The following IBA57 variants were observed in gnomAD, a reference collection of about 807,000 sequenced individuals.
IBA57 encodes iron-sulfur cluster assembly factor IBA57, mitochondrial.
In IBA57, 20 loss-of-function variants were observed where a neutral mutation model predicts 20.4. The ratio of observed to expected loss-of-function variants is 0.98; its 90% confidence interval spans 0.69 to 1.42. The LOEUF (loss-of-function observed/expected upper bound fraction) is 1.42. Ranked by LOEUF, IBA57 falls within the 40% of genes most tolerant of loss-of-function variation. The pLI, the probability that IBA57 is intolerant of heterozygous loss-of-function variation, is 0.00. For missense variants in IBA57, 608 were observed against 499.3 expected (o/e 1.22, Z -2.07); for synonymous variants, 310 against 233.9 (o/e 1.33, Z -2.97).
In IBA57 at chr1:228,178,941, G is replaced by A. The variant is rs984812057; in HGVS notation, c.*3428G>A. ...TTTCCATGGGCTCCAAGCTGTAGGA[G>A]TGGTCCCTGGCTGCCAGAGTGCTCT... On this transcript the variant is annotated 3_prime_UTR_variant, in exon 3 of 3. Coordinates refer to ENST00000366711, the MANE Select transcript of IBA57 (RefSeq NM_001010867.4). 6.6e-6 allele frequency: 1 copy of A among 152,176 alleles called. No individual in the cohort carries two copies. The highest frequency in any genetic ancestry group is 2.4e-5 in the African/African-American group (1 of 41,428). 9.4% of individuals were successfully genotyped at this position (152,176 alleles called of 1,614,324 possible). A position where few individuals can be genotyped will look rare whatever the true frequency, so the allele number is the denominator to read the frequency against.
Position 228,180,560 on chromosome 1 carries a change from A to T in IBA57, c.*5047A>T, listed in dbSNP as rs1406184951. 2 of 152,196 alleles carry T rather than the reference A, an allele frequency of 1.3e-5. No homozygotes were observed. Among genetic ancestry groups the T allele is most frequent in the East Asian group, 1.9e-4 (1 of 5,192 alleles). 9.4% of individuals were successfully genotyped at this position (152,196 alleles called of 1,614,324 possible). A position where few individuals can be genotyped will look rare whatever the true frequency, so the allele number is the denominator to read the frequency against. On this transcript the variant is annotated 3_prime_UTR_variant, in exon 3 of 3. Transcript: ENST00000366711. ...TCAGATAATCTCTAAAAGAATGGAA[A>T]TATATCTTCCAAACTATAGAGGGAA...
rs1030558917 is a variant in IBA57 at position 228,180,367 on chromosome 1, C to G, written c.*4854C>G. 2 of 151,974 alleles carry G rather than the reference C, an allele frequency of 1.3e-5. No individual in the cohort carries two copies. Among genetic ancestry groups the G allele is most frequent in the Non-Finnish European group, 2.9e-5 (2 of 68,024 alleles). The allele number at this position is 151,974 out of a possible 1,614,324, so 9.4% of individuals were successfully genotyped here. A position where few individuals can be genotyped will look rare whatever the true frequency, so the allele number is the denominator to read the frequency against. On this transcript the variant is annotated 3_prime_UTR_variant, in exon 3 of 3. Coordinates refer to ENST00000366711, the MANE Select transcript of IBA57 (RefSeq NM_001010867.4). ...TGTGGGCATGTCTAAAACACCACAT[C>G]TAGAAGCTTCTACTTAGAATGCCTA...
chr1:228,175,362 T>TG lies in IBA57; in HGVS notation c.923dup (p.Lys309GlnfsTer29). ...GTGCTGACTGCCTCAGGACAGACTG[T>TG]GGGCAAGTTCAGGGCTGGCCAGGGC... On this transcript the variant is annotated frameshift_variant, in exon 3 of 3. Coordinates refer to ENST00000366711, the MANE Select transcript of IBA57 (RefSeq NM_001010867.4). LOFTEE classifies it low-confidence loss of function (END_TRUNC). 1 of 1,612,948 alleles carries TG rather than the reference T, an allele frequency of 6.2e-7. No homozygotes were observed. Among genetic ancestry groups the TG allele is most frequent in the Non-Finnish European group, 8.5e-7 (1 of 1,179,966 alleles).
At chr1:228,172,985 C>G (rs979944446) in intron 1 of IBA57, 6 of 152,306 alleles carry the variant, frequency 3.9e-5, no homozygotes, top group African/African-American at 1.4e-4. Flanking sequence ...TGTCCTGTGA[C>G]CGCTGTCCTG....
rs542167048 is a variant in IBA57, at chr1:228,180,462, A to G, written c.*4949A>G. 1.2e-4 allele frequency: 18 copies of G among 152,340 alleles called. No homozygotes were observed. Among genetic ancestry groups the G allele is most frequent in the African/African-American group, 3.4e-4 (14 of 41,572 alleles). 9.4% of individuals were successfully genotyped at this position (152,340 alleles called of 1,614,324 possible). A position where few individuals can be genotyped will look rare whatever the true frequency, so the allele number is the denominator to read the frequency against. Reference sequence around the variant, plus strand: ...GAGGTGCCCAAACCTACAGTGTTCTAAAGTCCCCCTACTGGTCGGAAGGAG... The same window carrying G: ...GAGGTGCCCAAACCTACAGTGTTCTGAAGTCCCCCTACTGGTCGGAAGGAG... On this transcript the variant is annotated 3_prime_UTR_variant, in exon 3 of 3. Transcript: ENST00000366711.
Position 228,166,123 on chromosome 1 carries a change from C to A in IBA57, c.307C>A (p.Gln103Lys). The A allele has an allele frequency of 2.0e-6, 3 of 1,534,004 alleles. No homozygotes were observed. The highest frequency in any genetic ancestry group is 2.1e-5 in the Admixed American group (1 of 48,642). ...GGGCTACGCCCACTTCCTGAACGTGCAGGGCCGGACGCTCTATGACGTCAT... is the reference window on the plus strand; with the variant it reads ...GGGCTACGCCCACTTCCTGAACGTGAAGGGCCGGACGCTCTATGACGTCAT... The part of the protein sequence containing the change: ...RAGYAHFLNV[Q>K]GRTLYDVILY... Residue 103 changes from glutamine to lysine, a missense_variant, in exon 1 of 3, where the codon CAG becomes AAG. Gln to Lys is a moderately conservative substitution (Grantham distance 53, BLOSUM62 1). Transcript: ENST00000366711.
chr1:228,175,145 T>C lies in IBA57; in HGVS notation c.703T>C (p.Leu235=). Residue 235 remains leucine (L), a synonymous_variant, in exon 3 of 3, where the codon TTG becomes CTG. Coordinates refer to ENST00000366711, the MANE Select transcript of IBA57 (RefSeq NM_001010867.4). ...LQGVPEGVRD[L]PPGVALPLES... The stretch of plus-strand genomic sequence containing the variant: ...AGGCGTTCCTGAGGGGGTCCGAGAC[T>C]TGCCTCCTGGGGTGGCCCTGCCCCT... The C allele has an allele frequency of 3.7e-6, 6 of 1,612,650 alleles. No individual in the cohort carries two copies. The highest frequency in any genetic ancestry group is 5.1e-6 in the Non-Finnish European group (6 of 1,179,738).
rs1415632502 is a variant in IBA57, at chr1:228,180,633, C to T, written c.*5120C>T. ...TCCTTCAAGGAGAAATGAACAAACT[C>T]AAAATCGTAGTTGGGAGTGTTTTTT... On this transcript the variant is annotated 3_prime_UTR_variant, in exon 3 of 3. Transcript: ENST00000366711. 2.0e-5 allele frequency: 3 copies of T among 151,480 alleles called. No homozygotes were observed. Among genetic ancestry groups the T allele is most frequent in the Admixed American group, 6.6e-5 (1 of 15,166 alleles). 9.4% of individuals were successfully genotyped at this position (151,480 alleles called of 1,614,324 possible).
chr1:228,174,221 C>T (rs2034970211), intron 1 of IBA57, among the ~76,000 whole-genome samples: 1 of 2,918 alleles, frequency 3.4e-4, no homozygotes, highest in Admixed American at 2.4e-3. Context: ...GTGGGCGTGG[C>T]TCGCTGTGGG....
In IBA57 at chr1:228,165,895, C is replaced by A. The variant is rs1324631781; in HGVS notation, c.79C>A (p.Pro27Thr). 7.1e-7 allele frequency: 1 copy of A among 1,404,898 alleles called. No homozygotes were observed. The highest frequency in any genetic ancestry group is 3.0e-5 in the Admixed American group (1 of 32,944). 87.0% of individuals were successfully genotyped at this position (1,404,898 alleles called of 1,614,324 possible). A position where few individuals can be genotyped will look rare whatever the true frequency, so the allele number is the denominator to read the frequency against. ...CTGGCGCTGGCGGCTGCGCGCGGCCCCAAGGTGCCGCCTGGCCCACAGCTC... is the reference window on the plus strand; with the variant it reads ...CTGGCGCTGGCGGCTGCGCGCGGCCACAAGGTGCCGCCTGGCCCACAGCTC... Reference protein sequence around the residue: ...PVWRWRLRAAPRCRLAHSSCS... With the variant: ...PVWRWRLRAATRCRLAHSSCS... Residue 27 changes from proline (P) to threonine (T), a missense_variant, in exon 1 of 3, where the codon CCA (proline) becomes ACA (threonine). Pro to Thr is a conservative substitution (Grantham distance 38). Coordinates refer to ENST00000366711, the MANE Select transcript of IBA57 (RefSeq NM_001010867.4).
chr1:228,176,287 G>C lies in IBA57; in HGVS notation c.*774G>C, dbSNP rs1319245119. ...GTGAGAGTGACTTGCTGTCAGTCACGGGGCACAGCCTCCTGTTCACCCACT... is the reference window on the plus strand; with the variant it reads ...GTGAGAGTGACTTGCTGTCAGTCACCGGGCACAGCCTCCTGTTCACCCACT... On this transcript the variant is annotated 3_prime_UTR_variant, in exon 3 of 3. Transcript: ENST00000366711. 6.6e-6 allele frequency: 1 copy of C among 152,368 alleles called. No homozygotes were observed. The highest frequency in any genetic ancestry group is 2.4e-5 in the African/African-American group (1 of 41,444). 9.4% of individuals were successfully genotyped at this position (152,368 alleles called of 1,614,324 possible). A position where few individuals can be genotyped will look rare whatever the true frequency, so the allele number is the denominator to read the frequency against.
At position 228,177,527 on chromosome 1, in the gene IBA57, T is replaced by C. The variant is rs1321521802; in HGVS notation, c.*2014T>C. On this transcript the variant is annotated 3_prime_UTR_variant, in exon 3 of 3. Transcript: ENST00000366711. ...TTTTTTGAGATGGAGTCTTGCTCTG[T>C]TGGCCAGGCTGGAGCTCAGTGGCAC... The C allele has an allele frequency of 6.7e-6, 1 of 149,284 alleles. No individual in the cohort carries two copies. Among genetic ancestry groups the C allele is most frequent in the Admixed American group, 6.7e-5 (1 of 14,934 alleles). 9.2% of individuals were successfully genotyped at this position (149,284 alleles called of 1,614,324 possible). A position where few individuals can be genotyped will look rare whatever the true frequency, so the allele number is the denominator to read the frequency against.
Position 228,175,576 on chromosome 1 carries a change from C to T in IBA57, c.*63C>T. The T allele has an allele frequency of 6.7e-7, 1 of 1,498,142 alleles. No homozygotes were observed. The highest frequency in any genetic ancestry group is 8.9e-7 in the Non-Finnish European group (1 of 1,123,642). 92.8% of individuals were successfully genotyped at this position (1,498,142 alleles called of 1,614,324 possible). On this transcript the variant is annotated 3_prime_UTR_variant, in exon 3 of 3. Coordinates refer to ENST00000366711, the MANE Select transcript of IBA57 (RefSeq NM_001010867.4). ...GGGGCCTGGGGCCTTTGGCCTCTGT[C>T]CAGGGTCTTCCCGTCCCATCTGTCT...
chr1:228,174,643 G>A, intron 1 of IBA57, 49 bp from the exon 2 acceptor site: 1 of 1,456,918 alleles, frequency 6.9e-7, no homozygotes. Flanking sequence ...GCCCTTTCTG[G>A]CCCACTCAGT....
chr1:228,168,040 T>C (rs926832791), intron 1 of IBA57, among the ~76,000 whole-genome samples: 2 of 152,204 alleles, frequency 1.3e-5, no homozygotes, highest in Non-Finnish European at 2.9e-5. Flanking sequence ...AATAAGTGTT[T>C]TGTGGTGTAA....
In IBA57 at chr1:228,170,115, C is replaced by T. The variant is rs571424070; in HGVS notation, c.341+3958C>T. Among the ~76,000 whole-genome samples the T allele has an allele frequency of 1.5e-4, 23 of 152,250 alleles. No homozygotes were observed. The highest frequency in any genetic ancestry group is 4.6e-4 in the African/African-American group (19 of 41,550). On this transcript the variant is annotated intron_variant, in intron 1 of 2. Coordinates refer to ENST00000366711, the MANE Select transcript of IBA57 (RefSeq NM_001010867.4). The surrounding 1 kb of genome is among the most constrained non-coding windows in gnomAD (Gnocchi z 4.8). The stretch of plus-strand genomic sequence containing the variant: ...CGAACTACTGACCTCATGATCCGCC[C>T]GCCTCGGCCTCCCAAAGTGCTGGGA...
chr1:228,166,619 GT>G (rs1253482540), intron 1 of IBA57, among the ~76,000 whole-genome samples: 1 of 152,248 alleles, frequency 6.6e-6, no homozygotes, highest in Admixed American at 6.5e-5. Context: ...GTGACAGCTT[GT>G]GGTGACACTC....
rs1043646402 is a variant in IBA57 at position 228,170,116 on chromosome 1, G to A, written c.341+3959G>A. Reference sequence around the variant, plus strand: ...GAACTACTGACCTCATGATCCGCCCGCCTCGGCCTCCCAAAGTGCTGGGAT... The same window carrying A: ...GAACTACTGACCTCATGATCCGCCCACCTCGGCCTCCCAAAGTGCTGGGAT... On this transcript the variant is annotated intron_variant, in intron 1 of 2. Transcript: ENST00000366711. This position sits in a 1 kb window ranked among gnomAD's most constrained non-coding sequence, Gnocchi z 4.8. 2.6e-5 allele frequency among the ~76,000 whole-genome samples: 4 copies of A among 152,096 alleles called. No individual in the cohort carries two copies. The highest frequency in any genetic ancestry group is 6.5e-5 in the Admixed American group (1 of 15,274).
In IBA57 at chr1:228,177,600, C is replaced by A. The variant is rs1207516758; in HGVS notation, c.*2087C>A. On this transcript the variant is annotated 3_prime_UTR_variant, in exon 3 of 3. Transcript: ENST00000366711. Reference sequence around the variant, plus strand: ...TGCCTCCCAGGTTCCAGTGATTTTCCTGCCTCAGCCTCCTGGGTAGCTGGG... The same window carrying A: ...TGCCTCCCAGGTTCCAGTGATTTTCATGCCTCAGCCTCCTGGGTAGCTGGG... 1 of 144,844 alleles carries A rather than the reference C, an allele frequency of 6.9e-6. No homozygotes were observed. Among genetic ancestry groups the A allele is most frequent in the African/African-American group, 2.6e-5 (1 of 39,198 alleles). 9.0% of individuals were successfully genotyped at this position (144,844 alleles called of 1,614,324 possible). A position where few individuals can be genotyped will look rare whatever the true frequency, so the allele number is the denominator to read the frequency against.
Sources: gnomAD v4.1 joint callset for allele counts (sites outside exome capture counted in the v4.1 genomes callset) on GRCh38, gnomAD v4.1.1 for gene constraint, Gnocchi (gnomAD v3.1) non-coding constraint, MANE v1.5 for transcripts, NCBI Gene and HGNC (gene_info 2026-07-23, HGNC 2026-07-21) for gene names.